MRAS: variants seen among roughly 807,000 people sequenced by gnomAD.
MRAS encodes the protein ras-related protein M-Ras.
MRAS carries 4 observed loss-of-function variants against 20.9 expected under a neutral mutation model. The ratio of observed to expected loss-of-function variants is 0.19; its 90% CI spans 0.09 to 0.44. MRAS has a LOEUF of 0.44. Ranked by LOEUF, MRAS falls within the 20% of genes least tolerant of loss-of-function variation. MRAS has a pLI of 0.99. For synonymous variants in MRAS, 98 were observed against 102.9 expected (o/e 0.95, Z 0.29); for missense variants, 154 against 277.5 (o/e 0.56, Z 3.16).
Position 138,402,236 on chromosome 3 carries a change from A to G in MRAS, c.594A>G (p.Thr198=), listed in dbSNP as rs1230642402. 6.2e-7 allele frequency: 1 copy of G among 1,614,240 alleles called. No individual in the cohort carries two copies. Among genetic ancestry groups the G allele is most frequent in the Non-Finnish European group, 8.5e-7 (1 of 1,180,032 alleles). ...KKTKWRGDRA[T]GTHKLQCVIL is the part of the protein sequence containing the mutation. The stretch of plus-strand genomic sequence containing the variant: ...CCAAATGGCGGGGAGACCGGGCCAC[A>G]GGCACCCACAAACTGCAATGTGTGA... The change falls in exon 6 of 6, where the codon ACA becomes ACG. Residue 198 remains threonine, a synonymous_variant. Transcript: ENST00000423968.
At chr3:138,373,212 C>T (rs2054711552) in intron 2 of MRAS, 136 bp downstream of exon 2, 2 of 851,876 alleles carry the variant, frequency 2.3e-6, no homozygotes, top group Non-Finnish European at 3.2e-6. Context: ...AGCCGTGTGT[C>T]GTTTTCAGGG....
chr3:138,351,969 T>C (rs937607808), intron 1 of MRAS, among the ~76,000 whole-genome samples: 1 of 152,348 alleles, frequency 6.6e-6, no homozygotes, highest in African/African-American at 2.4e-5. Context: ...CTAATGTTCA[T>C]GGCAGACCTA....
chr3:138,370,815 C>T (rs2054659947), intron 1 of MRAS, among the ~76,000 whole-genome samples: 1 of 152,146 alleles, frequency 6.6e-6, no homozygotes, highest in African/African-American at 2.4e-5. Context: ...TGAAAATGCC[C>T]TGAAATCTGC....
At chr3:138,358,958 CAAT>C (rs1240247386) in intron 1 of MRAS, among the ~76,000 whole-genome samples, 1 of 152,156 alleles carries the variant, frequency 6.6e-6, no homozygotes, top group Non-Finnish European at 1.5e-5. Context: ...CACCCACCAA[CAAT>C]AGTTTTACAC....
At chr3:138,372,559 G>A (rs1032072734) in intron 1 of MRAS, among the ~76,000 whole-genome samples, 2 of 152,146 alleles carry the variant, frequency 1.3e-5, no homozygotes, top group East Asian at 1.9e-4. Flanking sequence ...GAGTTTAGTG[G>A]CCAAAAAGCT....
At chr3:138,372,560 C>A (rs1190025292) in intron 1 of MRAS, among the ~76,000 whole-genome samples, 1 of 152,096 alleles carries the variant, frequency 6.6e-6, no homozygotes, top group East Asian at 1.9e-4. Context: ...AGTTTAGTGG[C>A]CAAAAAGCTT....
At chr3:138,368,201 C>T (rs911705520) in intron 1 of MRAS, among the ~76,000 whole-genome samples, 4 of 152,328 alleles carry the variant, frequency 2.6e-5, no homozygotes, top group Non-Finnish European at 5.9e-5. Flanking sequence ...CCTATTTTGT[C>T]TGGCTGTTAA....
chr3:138,395,219 T>G (rs2055210268), intron 2 of MRAS, among the ~76,000 whole-genome samples: 1 of 152,082 alleles, frequency 6.6e-6, no homozygotes, highest in Non-Finnish European at 1.5e-5. Context: ...TTTTGTATTT[T>G]TAGTAGAGAC....
intron 2 of MRAS, among the ~76,000 whole-genome samples, chr3:138,384,520 A>G (rs1328998188): frequency 6.6e-6 from 1 of 152,174 alleles, no homozygotes; most frequent in Non-Finnish European, 1.5e-5. Context: ...ACATTTATCA[A>G]GATTAGGAAG....
intron 2 of MRAS, among the ~76,000 whole-genome samples, chr3:138,395,033 TC>T (rs2055206492): frequency 6.6e-6 from 1 of 152,118 alleles, no homozygotes; most frequent in South Asian, 2.1e-4. Context: ...TCTTTTTCTT[TC>T]TTTTTTATTT....
At chr3:138,381,959 G>T (rs1560177471) in intron 2 of MRAS, among the ~76,000 whole-genome samples, 3 of 152,098 alleles carry the variant, frequency 2.0e-5, no homozygotes, top group Non-Finnish European at 4.4e-5. Flanking sequence ...TTTACCAGGG[G>T]GCTTTATGCT....
At chr3:138,378,437 T>C (rs559975626) in intron 2 of MRAS, among the ~76,000 whole-genome samples, 35 of 152,312 alleles carry the variant, frequency 2.3e-4, no homozygotes, top group Non-Finnish European at 4.1e-4. Context: ...CTGAGTTCTT[T>C]CCTGCAAGGG....
In MRAS at chr3:138,404,412, A is replaced by G. The variant is rs1188704739; in HGVS notation, c.*2143A>G. On this transcript the variant is annotated 3_prime_UTR_variant, in exon 6 of 6. Coordinates refer to ENST00000423968, the MANE Select transcript of MRAS (RefSeq NM_001085049.3). ...CGTGGAGCTGCAACTCCTCGACAGCACTGAGTTTGATAGTCTCACTGGAAG... is the reference window on the plus strand; with the variant it reads ...CGTGGAGCTGCAACTCCTCGACAGCGCTGAGTTTGATAGTCTCACTGGAAG... 1 of 152,200 alleles carries G rather than the reference A, an allele frequency of 6.6e-6. No individual in the cohort carries two copies. The highest frequency in any genetic ancestry group is 1.5e-5 in the Non-Finnish European group (1 of 68,064). The allele number at this position is 152,200 out of a possible 1,614,324, so 9.4% of individuals were successfully genotyped here. A position where few individuals can be genotyped will look rare whatever the true frequency, so the allele number is the denominator to read the frequency against.
intron 2 of MRAS, among the ~76,000 whole-genome samples, chr3:138,374,739 A>T (rs1012048900): frequency 1.3e-5 from 2 of 152,184 alleles, no homozygotes; most frequent in Non-Finnish European, 2.9e-5. Flanking sequence ...TTATCAGGTC[A>T]TGGAAGTTCC....
At chr3:138,364,981 A>G (rs1279465215) in intron 1 of MRAS, among the ~76,000 whole-genome samples, 2 of 152,138 alleles carry the variant, frequency 1.3e-5, no homozygotes, top group Non-Finnish European at 2.9e-5. Context: ...GACTGTACAC[A>G]CATACTCACC....
chr3:138,357,493 C>T (rs1012495665), intron 1 of MRAS, among the ~76,000 whole-genome samples: 4 of 152,248 alleles, frequency 2.6e-5, no homozygotes, highest in Admixed American at 2.0e-4. Flanking sequence ...CAGGCTCTCA[C>T]CTGACATGTG....
At chr3:138,378,511 C>T (rs550684846) in intron 2 of MRAS, among the ~76,000 whole-genome samples, 9 of 152,194 alleles carry the variant, frequency 5.9e-5, no homozygotes, top group Non-Finnish European at 1.2e-4. Flanking sequence ...TCTTCCTCCC[C>T]GTCTGGTCCC....
intron 2 of MRAS, among the ~76,000 whole-genome samples, chr3:138,377,344 C>T (rs1379790514): frequency 8.5e-5 from 13 of 152,294 alleles, no homozygotes; most frequent in East Asian, 5.8e-4. Flanking sequence ...CGGTGGCTCA[C>T]GCCTGTAATC....
chr3:138,389,429 G>A (rs2055082865), intron 2 of MRAS, among the ~76,000 whole-genome samples: 1 of 151,116 alleles, frequency 6.6e-6, no homozygotes, highest in South Asian at 2.1e-4. Context: ...GGAGGTCAGA[G>A]GCTGGGCGCT....
Sources: allele counts gnomAD v4.1 joint callset (sites outside exome capture counted in the v4.1 genomes callset), GRCh38; gene constraint gnomAD v4.1.1; transcripts MANE v1.5; gene names NCBI Gene and HGNC (gene_info 2026-07-23, HGNC 2026-07-21).